PRDM5: variants seen among roughly 807,000 people sequenced by gnomAD.
PRDM5 encodes PR domain zinc finger protein 5.
A neutral mutation model predicts 81.2 loss-of-function variants in PRDM5; 56 were observed. That is an observed-to-expected ratio of 0.69 (90% CI 0.56 to 0.86). The LOEUF (loss-of-function observed/expected upper bound fraction) is 0.86, where lower values mean the gene tolerates loss of function less well. PRDM5 is among the 40% of genes least tolerant of loss of function. PRDM5 has a pLI of 0.00. For synonymous variants in PRDM5, 267 were observed against 256.4 expected (o/e 1.04, Z -0.39); for missense variants, 697 against 770.1 (o/e 0.91, Z 1.12).
At chr4:120,913,208 T>G (rs554199946) in intron 1 of PRDM5, among the ~76,000 whole-genome samples, 4 of 152,322 alleles carry the variant, frequency 2.6e-5, no homozygotes, top group East Asian at 1.9e-4. Flanking sequence ...AGTTCTTAAA[T>G]GAAGCTGAGT....
chr4:120,796,324 G>A (rs1481567554), intron 10 of PRDM5, among the ~76,000 whole-genome samples: 2 of 152,166 alleles, frequency 1.3e-5, no homozygotes, highest in African/African-American at 4.8e-5. Flanking sequence ...TAGTGCAGAA[G>A]GATTGAGTGT....
In PRDM5 at chr4:120,863,175, A is replaced by ATAT. The variant is rs1553997141; in HGVS notation, c.178-9636_178-9635insATA. On this transcript the variant is annotated intron_variant, in intron 2 of 15. Transcript: ENST00000264808. ...TCTGTCTAAAAAAAAAAAAAAAAAA[A>ATAT]ATATATATATATATATACACACACA... is the stretch of plus-strand genomic sequence containing the variant. Among the ~76,000 whole-genome samples, 50 of 60,654 alleles carry ATAT rather than the reference A, an allele frequency of 8.2e-4. 1 individual carries two copies. The highest frequency in any genetic ancestry group is 1.8e-3 in the East Asian group (3 of 1,654). The allele number at this position is 60,654 out of a possible 152,430, so 39.8% of individuals were successfully genotyped here. A position where few individuals can be genotyped will look rare whatever the true frequency, so the allele number is the denominator to read the frequency against.
At chr4:120,831,556 G>C (rs1449486464) in intron 3 of PRDM5, among the ~76,000 whole-genome samples, 1 of 152,050 alleles carries the variant, frequency 6.6e-6, no homozygotes, top group Non-Finnish European at 1.5e-5. Context: ...TGAATGTTTT[G>C]AAAAGTCTCA....
Position 120,781,208 on chromosome 4 carries a change from T to A in PRDM5, c.1378A>T (p.Lys460Ter). The change falls in exon 12 of 16, where the codon AAG (lysine) becomes TAG (stop). Residue 460 changes from lysine to a stop codon, truncating the protein, a stop_gained. Coordinates refer to ENST00000264808, the MANE Select transcript of PRDM5 (RefSeq NM_018699.4). LOFTEE classifies it high-confidence loss of function. Reference protein sequence around the residue: ...HVQVVHERHKKYRCELCNKAF... With the variant: ...HVQVVHERHK ...TTATTACATAGCTCACACCTATACT[T>A]CTTGTGTCTTTCATGAACCACCTGG... The A allele has an allele frequency of 6.2e-7, 1 of 1,613,288 alleles. No individual in the cohort carries two copies. Among genetic ancestry groups the A allele is most frequent in the Non-Finnish European group, 8.5e-7 (1 of 1,179,412 alleles).
Position 120,695,106 on chromosome 4 carries a change from C to G in PRDM5, c.*5G>C, listed in dbSNP as rs996030213. The G allele has an allele frequency of 1.2e-6, 2 of 1,610,778 alleles. No homozygotes were observed. The highest frequency in any genetic ancestry group is 1.3e-5 in the African/African-American group (1 of 74,792). ...CTGAATAGTTTAATTCCTTTACAGC[C>G]CCTATTAGCTGTCAGCTACACCATG... On this transcript the variant is annotated 3_prime_UTR_variant, in exon 16 of 16. Coordinates refer to ENST00000264808, the MANE Select transcript of PRDM5 (RefSeq NM_018699.4).
intron 2 of PRDM5, among the ~76,000 whole-genome samples, chr4:120,879,027 C>T (rs760827024): frequency 3.3e-5 from 5 of 152,124 alleles, no homozygotes; most frequent in Admixed American, 6.5e-5. Context: ...CCAGCAATCA[C>T]GCAATTTGGC....
intron 2 of PRDM5, among the ~76,000 whole-genome samples, chr4:120,866,059 T>C (rs933835740): frequency 6.6e-6 from 1 of 152,232 alleles, no homozygotes; most frequent in Non-Finnish European, 1.5e-5. Context: ...TTTCACACTA[T>C]TGCCAGAGTA....
At chr4:120,846,899 T>C (rs1192974009) in intron 3 of PRDM5, among the ~76,000 whole-genome samples, 1 of 152,130 alleles carries the variant, frequency 6.6e-6, no homozygotes, top group Non-Finnish European at 1.5e-5. Context: ...GTTGAATGAA[T>C]GAGTTAAGTA....
downstream of PRDM5, among the ~76,000 whole-genome samples, chr4:120,689,568 G>T (rs1733960898): frequency 6.6e-6 from 1 of 151,560 alleles, no homozygotes; most frequent in Non-Finnish European, 1.5e-5. Flanking sequence ...CAAAAGTAAT[G>T]ATTGATTTCC....
intron 14 of PRDM5, among the ~76,000 whole-genome samples, chr4:120,715,957 T>C (rs1379550387): frequency 6.6e-6 from 1 of 152,166 alleles, no homozygotes; most frequent in African/African-American, 2.4e-5. Context: ...GGAGACACTA[T>C]CTGGGTGAGT....
intron 8 of PRDM5, among the ~76,000 whole-genome samples, chr4:120,802,655 A>G (rs1023714859): frequency 6.6e-6 from 1 of 152,250 alleles, no homozygotes; most frequent in African/African-American, 2.4e-5. Flanking sequence ...CCTAACTGTT[A>G]GAAGGAAAAC....
chr4:120,912,165 C>A (rs1561704869), intron 1 of PRDM5, among the ~76,000 whole-genome samples: 1 of 152,132 alleles, frequency 6.6e-6, no homozygotes, highest in Admixed American at 6.5e-5. Flanking sequence ...AAATATATAT[C>A]CATTTAGCAG....
chr4:120,821,191 T>G lies in PRDM5; in HGVS notation c.455A>C (p.Gln152Pro). 1 of 1,614,172 alleles carries G rather than the reference T, an allele frequency of 6.2e-7. No homozygotes were observed. Among genetic ancestry groups the G allele is most frequent in the Non-Finnish European group, 8.5e-7 (1 of 1,180,020 alleles). Residue 152 changes from glutamine to proline, a missense_variant, in exon 4 of 16, where the codon CAA (glutamine) becomes CCA (proline). By Grantham distance (76) the Gln-to-Pro change is moderately conservative. Transcript: ENST00000264808. ...KEGEVENSRR[Q>P]STAGRKDRLG... ...AATACCTTTTCTGCCCGCTGTTGAT[T>G]GTCTTCTAGAATTTTCAACTTCCCC...
chr4:120,774,750 G>T (rs6845666), intron 13 of PRDM5, among the ~76,000 whole-genome samples: 57,783 of 151,724 alleles, frequency 0.38, 11,185 homozygotes, highest in East Asian at 0.5. Context: ...AAATGAGAAA[G>T]TATGGTAAGT....
chr4:120,704,573 A>C (rs573224755), intron 15 of PRDM5, among the ~76,000 whole-genome samples: 1 of 152,372 alleles, frequency 6.6e-6, no homozygotes, highest in African/African-American at 2.4e-5. Flanking sequence ...TTCAGTTAAC[A>C]CATACTTATC....
chr4:120,708,599 G>A (rs1736522837), intron 15 of PRDM5, among the ~76,000 whole-genome samples: 1 of 152,044 alleles, frequency 6.6e-6, no homozygotes. Context: ...AAACGTCACT[G>A]AACTGCTCAC....
At chr4:120,921,807 C>G (rs781191940) in intron 1 of PRDM5, among the ~76,000 whole-genome samples, 14 of 152,078 alleles carry the variant, frequency 9.2e-5, no homozygotes, top group Non-Finnish European at 1.8e-4. Flanking sequence ...TGTGCTTCCT[C>G]TCATCACATG....
chr4:120,914,708 T>C (rs1343703220), intron 1 of PRDM5, among the ~76,000 whole-genome samples: 1 of 152,168 alleles, frequency 6.6e-6, no homozygotes, highest in Non-Finnish European at 1.5e-5. Flanking sequence ...TGCACATGTA[T>C]GTTTATCACA....
In PRDM5 at chr4:120,694,013, T is replaced by C. The variant is rs908579951; in HGVS notation, c.*1098A>G. The C allele has an allele frequency of 1.3e-5, 2 of 152,168 alleles. No homozygotes were observed. Among genetic ancestry groups the C allele is most frequent in the Non-Finnish European group, 2.9e-5 (2 of 68,016 alleles). The allele number at this position is 152,168 out of a possible 1,614,324, so 9.4% of individuals were successfully genotyped here. On this transcript the variant is annotated 3_prime_UTR_variant, in exon 16 of 16. Transcript: ENST00000264808. ...TTTCAATCATAACAATTGCCAAGTTTGTACTTTGTATTCTGGATTCCTAAT... is the reference window on the plus strand; with the variant it reads ...TTTCAATCATAACAATTGCCAAGTTCGTACTTTGTATTCTGGATTCCTAAT...
Sources: gnomAD v4.1 joint callset for allele counts (sites outside exome capture counted in the v4.1 genomes callset) on GRCh38, gnomAD v4.1.1 for gene constraint, MANE v1.5 for transcripts, NCBI Gene and HGNC (gene_info 2026-07-23, HGNC 2026-07-21) for gene names.